The following DYNC1I2 variants were observed in gnomAD, a reference collection of about 807,000 sequenced individuals.
The protein encoded by DYNC1I2 is cytoplasmic dynein 1 intermediate chain 2.
DYNC1I2 carries 53 observed loss-of-function variants against 88.6 expected under a neutral mutation model. The ratio of observed to expected loss-of-function variants is 0.60; its 90% CI spans 0.48 to 0.75. DYNC1I2 has a LOEUF of 0.75. DYNC1I2 is among the 30% of genes least tolerant of loss of function. The pLI, the probability that DYNC1I2 is intolerant of heterozygous loss-of-function variation, is 0.00. For missense variants in DYNC1I2, 458 were observed against 766.6 expected (o/e 0.60, Z 4.75); for synonymous variants, 198 against 254.6 (o/e 0.78, Z 2.12).
Position 171,726,302 on chromosome 2 carries a change from T to C in DYNC1I2, c.870+9T>C. The C allele has an allele frequency of 6.3e-7, 1 of 1,587,532 alleles. No individual in the cohort carries two copies. Among genetic ancestry groups the C allele is most frequent in the Non-Finnish European group, 8.6e-7 (1 of 1,164,232 alleles). ...TGGATTGGTCATCTCAGGTAAAATA[T>C]AACAAAATAGGCCGCTCTTAACTCA... On this transcript the variant is annotated intron_variant, in intron 10 of 17. Transcript: ENST00000397119.
In DYNC1I2 at chr2:171,747,881, C is replaced by T. The variant is rs201932445; in HGVS notation, c.1909C>T (p.Pro637Ser). ...AGAGGAGGAAGCAGCTACCCGAATACCTGCTTAGTTCCTGAAAAGGGGAGT... is the reference window on the plus strand; with the variant it reads ...AGAGGAGGAAGCAGCTACCCGAATATCTGCTTAGTTCCTGAAAAGGGGAGT... ...DAEEEAATRI[P>S]A The change falls in exon 18 of 18, where the codon CCT (proline) becomes TCT (serine). Residue 637 changes from proline to serine, a missense_variant. By Grantham distance (74) the Pro-to-Ser change is moderately conservative. Transcript: ENST00000397119. 61 of 1,605,062 alleles carry T rather than the reference C, an allele frequency of 3.8e-5. No homozygotes were observed. The African/African-American group carries it at 7.4e-4, about 19-fold the overall frequency.
chr2:171,731,064 A>G (rs1283493689), intron 15 of DYNC1I2, among the ~76,000 whole-genome samples: 1 of 152,244 alleles, frequency 6.6e-6, no homozygotes, highest in Non-Finnish European at 1.5e-5. Flanking sequence ...CAGATGCTTA[A>G]CACAGTGTCC....
At chr2:171,697,535 G>A (rs528176922) in intron 3 of DYNC1I2, among the ~76,000 whole-genome samples, 6 of 152,174 alleles carry the variant, frequency 3.9e-5, no homozygotes, top group East Asian at 1.9e-4. Flanking sequence ...CGAACTGTGT[G>A]TGGTGGTTCA....
intron 9 of DYNC1I2, 27 bp downstream of exon 9, chr2:171,726,108 G>A: frequency 6.4e-7 from 1 of 1,560,486 alleles, no homozygotes; most frequent in East Asian, 2.3e-5. Context: ...AAGATTTTTA[G>A]CTTCAATAAT....
At chr2:171,720,033 T>G (rs1301589241) in intron 7 of DYNC1I2, among the ~76,000 whole-genome samples, 1 of 44,410 alleles carries the variant, frequency 2.3e-5, no homozygotes, top group Non-Finnish European at 8.2e-5. Flanking sequence ...CTGTATGGAT[T>G]TTTTTTTTTT....
chr2:171,730,971 G>A (rs1394600191), intron 15 of DYNC1I2, among the ~76,000 whole-genome samples: 1 of 152,074 alleles, frequency 6.6e-6, no homozygotes, highest in African/African-American at 2.4e-5. Flanking sequence ...GCCTCTAAAA[G>A]CTTGCCTTTT....
At chr2:171,688,297 CTCTCT>C (rs1685122811) in intron 1 of DYNC1I2, 1 of 152,200 alleles carries the variant, frequency 6.6e-6, no homozygotes, top group African/African-American at 2.4e-5. Context: ...ACTCTAGAGA[CTCTCT>C]TCTCTTGAGT....
At chr2:171,746,265 T>C (rs1689772746) in intron 17 of DYNC1I2, among the ~76,000 whole-genome samples, 1 of 152,172 alleles carries the variant, frequency 6.6e-6, no homozygotes, top group Non-Finnish European at 1.5e-5. Flanking sequence ...TGAAATAAGA[T>C]TTATTTTTCT....
chr2:171,688,364 G>A (rs925840345), intron 1 of DYNC1I2: 50 of 152,188 alleles, frequency 3.3e-4, no homozygotes, highest in African/African-American at 1.1e-3. Context: ...CTTCTGTGAG[G>A]ATGAGAGGAT....
Position 171,733,006 on chromosome 2 carries a change from G to A in DYNC1I2, c.1536+3153G>A, listed in dbSNP as rs958232322. ...CTCCCTCCTCCCACGCTCACCCTTCGATAGGCCCCAGTATGAGTTGTTCTC... is the reference window on the plus strand; with the variant it reads ...CTCCCTCCTCCCACGCTCACCCTTCAATAGGCCCCAGTATGAGTTGTTCTC... On this transcript the variant is annotated intron_variant, in intron 15 of 17. Coordinates refer to ENST00000397119, the MANE Select transcript of DYNC1I2 (RefSeq NM_001378.3). 2.6e-5 allele frequency among the ~76,000 whole-genome samples: 4 copies of A among 152,168 alleles called. No homozygotes were observed. The East Asian group carries it at 7.7e-4, about 29-fold the overall frequency.
chr2:171,698,115 C>T (rs1574512656), intron 3 of DYNC1I2, among the ~76,000 whole-genome samples: 1 of 152,180 alleles, frequency 6.6e-6, no homozygotes, highest in African/African-American at 2.4e-5. Flanking sequence ...CTATTAATTT[C>T]TTTATCAGCC....
chr2:171,707,244 C>T (rs1196815731), intron 4 of DYNC1I2, 43 bp from the exon 5 acceptor site: 2 of 1,613,658 alleles, frequency 1.2e-6, no homozygotes, highest in South Asian at 1.1e-5. Context: ...TGAGCAACCT[C>T]TCCGTGTAGT....
In DYNC1I2 at chr2:171,748,526, A is replaced by G. The variant is rs185584342; in HGVS notation, c.*637A>G. The G allele has an allele frequency of 1.7e-3, 253 of 152,280 alleles. No homozygotes were observed. Among genetic ancestry groups the G allele is most frequent in the African/African-American group, 6.0e-3 (248 of 41,570 alleles). 9.4% of individuals were successfully genotyped at this position (152,280 alleles called of 1,614,324 possible). ...GCTGTGAGCAGCCATCTCAAATCCTATAGAGCTGTGTACCCTAAATATACC... is the reference window on the plus strand; with the variant it reads ...GCTGTGAGCAGCCATCTCAAATCCTGTAGAGCTGTGTACCCTAAATATACC... On this transcript the variant is annotated 3_prime_UTR_variant, in exon 18 of 18. Coordinates refer to ENST00000397119, the MANE Select transcript of DYNC1I2 (RefSeq NM_001378.3).
At chr2:171,689,882 C>CTTTTTTTTTTTTTTT (rs10716223) in intron 1 of DYNC1I2, among the ~76,000 whole-genome samples, 1 of 54,156 alleles carries the variant, frequency 1.8e-5, no homozygotes, top group African/African-American at 7.7e-5. Context: ...TTTTTCTTGC[C>CTTTTTTTTTTTTTTT]TTTTTTTTTT....
At chr2:171,723,730 T>C (rs1336257384) in intron 7 of DYNC1I2, among the ~76,000 whole-genome samples, 26 of 152,218 alleles carry the variant, frequency 1.7e-4, no homozygotes, top group Admixed American at 1.7e-3. Context: ...GAAGTGTCAA[T>C]GTGCAAGAGA....
At chr2:171,693,188 C>G (rs1371143033) in intron 3 of DYNC1I2, 3 of 326,890 alleles carry the variant, frequency 9.2e-6, no homozygotes, top group African/African-American at 6.5e-5. Flanking sequence ...ATGTGCCATA[C>G]TGTGTTAAGC....
At chr2:171,690,792 C>T (rs941814263) in intron 2 of DYNC1I2, among the ~76,000 whole-genome samples, 24 of 151,646 alleles carry the variant, frequency 1.6e-4, no homozygotes, top group African/African-American at 5.8e-4. Flanking sequence ...GTAGCTGGGC[C>T]TACAGGCACA....
chr2:171,720,600 G>A (rs1687834689), intron 7 of DYNC1I2, among the ~76,000 whole-genome samples: 1 of 152,128 alleles, frequency 6.6e-6, no homozygotes, highest in African/African-American at 2.4e-5. Flanking sequence ...CAGGTGTGTT[G>A]TCACATACTT....
In DYNC1I2 at chr2:171,692,776, G is replaced by C; in HGVS notation, c.109-1G>C. The C allele has an allele frequency of 6.3e-7, 1 of 1,590,154 alleles. No individual in the cohort carries two copies. The highest frequency in any genetic ancestry group is 8.5e-7 in the Non-Finnish European group (1 of 1,170,052). On this transcript the variant is annotated splice_acceptor_variant, in intron 2 of 17. Coordinates refer to ENST00000397119, the MANE Select transcript of DYNC1I2 (RefSeq NM_001378.3). LOFTEE classifies it high-confidence loss of function. ...ATAAGTTTTTAACCTAAACATTTTA[G>C]ACAGACCAGAAGAAGGAAGCTGTTG...
Sources: allele counts gnomAD v4.1 joint callset (sites outside exome capture counted in the v4.1 genomes callset), GRCh38; gene constraint gnomAD v4.1.1; transcripts MANE v1.5; gene names NCBI Gene and HGNC (gene_info 2026-07-23, HGNC 2026-07-21).